The following TTC28 variants were observed in gnomAD, a reference collection of about 807,000 sequenced individuals.
The protein encoded by TTC28 is tetratricopeptide repeat domain 28.
In TTC28, 61 loss-of-function variants were observed where a neutral mutation model predicts 198.0. That is an observed-to-expected ratio of 0.31 (90% CI 0.25 to 0.38). TTC28 has a LOEUF of 0.38. Among genes scored for constraint, TTC28 ranks in the 10% least tolerant of loss-of-function variants. The pLI, the probability that TTC28 is intolerant of heterozygous loss-of-function variation, is 1.00. For synonymous variants in TTC28, 1,171 were observed against 1,297.8 expected, an observed-to-expected ratio of 0.90 and a Z score of 2.10; for missense variants, 2,678 against 3,164.0, an observed-to-expected ratio of 0.85 and a Z score of 3.69.
At chr22:28,134,956 T>C (rs1008712254) in intron 6 of TTC28, among the ~76,000 whole-genome samples, 1 of 152,256 alleles carries the variant, frequency 6.6e-6, no homozygotes, top group Non-Finnish European at 1.5e-5. Context: ...TACTTTAAAA[T>C]CTTTGTCAGA....
Position 28,314,362 on chromosome 22 carries a change from A to G in TTC28, c.382-7719T>C, listed in dbSNP as rs1055155369. Among the ~76,000 whole-genome samples the G allele has an allele frequency of 3.3e-5, 5 of 152,324 alleles. No individual in the cohort carries two copies. The East Asian group carries it at 9.6e-4, about 29-fold the overall frequency. Reference sequence around the variant, plus strand: ...TTTCTTCACAGAATTGGAAAAAACTACTTTAAAGTTCATATGGAACCAAAA... The same window carrying G: ...TTTCTTCACAGAATTGGAAAAAACTGCTTTAAAGTTCATATGGAACCAAAA... On this transcript the variant is annotated intron_variant, in intron 2 of 22. Transcript: ENST00000397906.
In TTC28 at chr22:28,175,497, C is replaced by T. The variant is rs928562910; in HGVS notation, c.934-11898G>A. Among the ~76,000 whole-genome samples, 13 of 152,058 alleles carry T rather than the reference C, an allele frequency of 8.5e-5. No homozygotes were observed. The East Asian group carries it at 1.9e-3, about 23-fold the overall frequency. On this transcript the variant is annotated intron_variant, in intron 5 of 22. Coordinates refer to ENST00000397906, the MANE Select transcript of TTC28 (RefSeq NM_001145418.2). ...CTGTAATCCCAGCAGTTTGGGAGGC[C>T]GAGGCGGGTGGATGCCCTGAGGTCA...
chr22:28,469,383 C>T (rs186053147), intron 2 of TTC28, among the ~76,000 whole-genome samples: 96 of 152,258 alleles, frequency 6.3e-4, no homozygotes, highest in Non-Finnish European at 1.1e-3. Flanking sequence ...TAAATAACAG[C>T]CCCCGAAGAT....
chr22:28,337,939 T>C (rs568369297), intron 2 of TTC28, among the ~76,000 whole-genome samples: 62 of 152,340 alleles, frequency 4.1e-4, no homozygotes, highest in African/African-American at 1.4e-3. Context: ...CTAGCCTCGA[T>C]GGTCTTTACA....
In TTC28 at chr22:27,998,355, C is replaced by G. The variant is rs1937587735; in HGVS notation, c.5119+185G>C. ...TGTTGCTCCCTGGTCCAAAGATGAT[C>G]TTAATAGTAGGAAAAACTCATTTGG... On this transcript the variant is annotated intron_variant, in intron 16 of 22. Coordinates refer to ENST00000397906, the MANE Select transcript of TTC28 (RefSeq NM_001145418.2). 3 of 1,000,488 alleles carry G rather than the reference C, an allele frequency of 3.0e-6. No individual in the cohort carries two copies. The African/African-American group carries it at 4.9e-5, about 16-fold the overall frequency. 62.0% of individuals were successfully genotyped at this position (1,000,488 alleles called of 1,614,324 possible).
chr22:27,989,939 C>G lies in TTC28; in HGVS notation c.5646G>C (p.Gln1882His), dbSNP rs1039647596. 5 of 1,551,448 alleles carry G rather than the reference C, an allele frequency of 3.2e-6. No homozygotes were observed. In the East Asian group the frequency reaches 9.8e-5, roughly 30 times the overall value. Residue 1882 changes from glutamine (Q) to histidine (H), a missense_variant, in exon 21 of 23, where the codon CAG (glutamine) becomes CAC (histidine). Physicochemically the swap from Gln to His is conservative, Grantham distance 24 (BLOSUM62 0). This residue lies in a region of TTC28 where 314 missense variants were observed against 442.7 expected (regional missense o/e 0.71). Coordinates refer to ENST00000397906, the MANE Select transcript of TTC28 (RefSeq NM_001145418.2). The part of the protein sequence containing the change: ...KEQDLASAPI[Q>H]VSISVQLWRL... The stretch of plus-strand genomic sequence containing the variant: ...GCCACAGCTGGACGCTGATGGAGAC[C>G]TGAATGGGAGCTGATGCCAAGTCCT...
chr22:28,397,680 C>T (rs1158667036), intron 2 of TTC28, among the ~76,000 whole-genome samples: 1 of 152,138 alleles, frequency 6.6e-6, no homozygotes, highest in African/African-American at 2.4e-5. Flanking sequence ...CACCAAAATT[C>T]TAGTATTAGA....
At chr22:28,042,975 G>A (rs1193669640) in intron 12 of TTC28, among the ~76,000 whole-genome samples, 4 of 152,062 alleles carry the variant, frequency 2.6e-5, no homozygotes, top group African/African-American at 9.7e-5. Flanking sequence ...GCCAGGCACG[G>A]TGGCTCATGC....
At chr22:28,151,356 C>T (rs933879531) in intron 6 of TTC28, among the ~76,000 whole-genome samples, 3 of 152,212 alleles carry the variant, frequency 2.0e-5, no homozygotes, top group African/African-American at 7.2e-5. Context: ...GGAGACACAA[C>T]TATGGGACCT....
rs189571033 is a variant in TTC28, at chr22:28,167,864, A to G, written c.934-4265T>C. ...GGAAATAAAGGGTATTCAATTAGGA[A>G]AAGAGGAAGTCAAATTGTCCCTGTT... On this transcript the variant is annotated intron_variant, in intron 5 of 22. Coordinates refer to ENST00000397906, the MANE Select transcript of TTC28 (RefSeq NM_001145418.2). Among the ~76,000 whole-genome samples the G allele has an allele frequency of 4.5e-3, 683 of 152,328 alleles. 4 individuals are homozygous for G. The highest frequency in any genetic ancestry group is 6.2e-3 in the Non-Finnish European group (422 of 68,032).
chr22:28,538,363 C>T (rs1377635516), intron 2 of TTC28, among the ~76,000 whole-genome samples: 2 of 151,968 alleles, frequency 1.3e-5, no homozygotes, highest in African/African-American at 4.8e-5. Context: ...GCTGGGATTA[C>T]AGGCATGAAC....
At chr22:28,472,155 TATTA>T (rs2048104145) in intron 2 of TTC28, among the ~76,000 whole-genome samples, 1 of 152,222 alleles carries the variant, frequency 6.6e-6, no homozygotes, top group African/African-American at 2.4e-5. Context: ...TCTATCATTC[TATTA>T]ATTTACATCA....
chr22:28,355,322 G>A (rs1378328930), intron 2 of TTC28, among the ~76,000 whole-genome samples: 1 of 152,064 alleles, frequency 6.6e-6, no homozygotes, highest in Non-Finnish European at 1.5e-5. Flanking sequence ...AGTTATCACG[G>A]AAAGCTTTAT....
At chr22:28,423,679 T>C (rs1347135681) in intron 2 of TTC28, among the ~76,000 whole-genome samples, 8 of 152,340 alleles carry the variant, frequency 5.3e-5, no homozygotes, top group Admixed American at 3.9e-4. Flanking sequence ...TGCTTCCAAG[T>C]CCTGATGACA....
chr22:28,535,483 G>A (rs970288831), intron 2 of TTC28, among the ~76,000 whole-genome samples: 4 of 152,154 alleles, frequency 2.6e-5, no homozygotes, highest in Admixed American at 6.5e-5. Context: ...ATACCTTTGA[G>A]ATTCATTAAT....
chr22:28,560,920 C>T (rs1306726681), intron 2 of TTC28, among the ~76,000 whole-genome samples: 1 of 151,720 alleles, frequency 6.6e-6, no homozygotes, highest in East Asian at 1.9e-4. Context: ...CCATGCCCAG[C>T]TAATTTTTGT....
Position 28,207,244 on chromosome 22 carries a change from A to C in TTC28, c.934-43645T>G, listed in dbSNP as rs564269976. Among the ~76,000 whole-genome samples the C allele has an allele frequency of 4.0e-5, 6 of 151,060 alleles. No individual in the cohort carries two copies. In the East Asian group the frequency reaches 1.2e-3, roughly 29 times the overall value. ...AGATGGAAAAAAAAAAAAAAGCACA[A>C]AAAAAAACAGGCCTTCAATAAATAG... On this transcript the variant is annotated intron_variant, in intron 5 of 22. Transcript: ENST00000397906.
In TTC28 at chr22:28,015,419, T is replaced by TAAAAA. The variant is rs138678; in HGVS notation, c.4074-1032_4074-1028dup. On this transcript the variant is annotated intron_variant, in intron 13 of 22. Transcript: ENST00000397906. ...TCATCCTTCCTGTAGGAGATAGCTT[T>TAAAAA]AAAAAAAAAAAAAAAAAAAAAAAGA... Among the ~76,000 whole-genome samples the TAAAAA allele has an allele frequency of 5.8e-3, 632 of 109,634 alleles. 5 individuals carry two copies. The highest frequency in any genetic ancestry group is 9.2e-3 in the Non-Finnish European group (501 of 54,560). The allele number at this position is 109,634 out of a possible 152,430, so 71.9% of individuals were successfully genotyped here. A position where few individuals can be genotyped will look rare whatever the true frequency, so the allele number is the denominator to read the frequency against.
chr22:28,081,721 A>G (rs937086972), intron 12 of TTC28, among the ~76,000 whole-genome samples: 2 of 152,018 alleles, frequency 1.3e-5, no homozygotes, highest in Non-Finnish European at 2.9e-5. Context: ...CAAACTGCTG[A>G]CCTCAGATGA....
Sources: gnomAD v4.1 joint callset for allele counts (sites outside exome capture counted in the v4.1 genomes callset) on GRCh38, gnomAD v4.1.1 for gene constraint, gnomAD v4.1.1 regional missense constraint, MANE v1.5 for transcripts, NCBI Gene and HGNC (gene_info 2026-07-23, HGNC 2026-07-21) for gene names.